The following SAMMSON variants were observed in gnomAD, a reference collection of about 807,000 sequenced individuals.
SAMMSON encodes survival associated mitochondrial melanoma specific oncogenic non-coding RNA.
chr3:70,175,146 T>C (rs980295233), intron 4 of SAMMSON, among the ~76,000 whole-genome samples: 2 of 152,108 alleles, frequency 1.3e-5, no homozygotes, highest in Non-Finnish European at 2.9e-5. Flanking sequence ...TTGGGGACTT[T>C]GGTTCTTTTC....
chr3:70,137,329 T>A (rs2067510118), intron 4 of SAMMSON, among the ~76,000 whole-genome samples: 1 of 152,208 alleles, frequency 6.6e-6, no homozygotes, highest in Admixed American at 6.5e-5. Flanking sequence ...AAACTATGAC[T>A]TATGGGCCAA....
intron 7 of SAMMSON, among the ~76,000 whole-genome samples, chr3:70,341,587 T>A (rs1306583853): frequency 6.6e-6 from 1 of 151,912 alleles, no homozygotes; most frequent in Non-Finnish European, 1.5e-5. Flanking sequence ...TGATAGGGAG[T>A]ATTTTCCTTC....
chr3:70,076,504 A>G (rs959184393), intron 4 of SAMMSON, among the ~76,000 whole-genome samples: 1 of 152,132 alleles, frequency 6.6e-6, no homozygotes, highest in Non-Finnish European at 1.5e-5. Context: ...CTTTGAAGTG[A>G]CAGTCTGTAA....
intron 8 of SAMMSON, among the ~76,000 whole-genome samples, chr3:70,356,199 A>G (rs1034737612): frequency 1.3e-5 from 2 of 152,158 alleles, no homozygotes; most frequent in African/African-American, 4.8e-5. Flanking sequence ...TTTTTACAAA[A>G]TCATTGGCTT....
chr3:70,273,540 G>A (rs2106674022), intron 6 of SAMMSON, among the ~76,000 whole-genome samples: 1 of 152,186 alleles, frequency 6.6e-6, no homozygotes, highest in East Asian at 1.9e-4. Flanking sequence ...TTGGGAAAAG[G>A]TCAAGCCTAG....
intron 3 of SAMMSON, among the ~76,000 whole-genome samples, chr3:70,057,384 T>A (rs1036207809): frequency 2.0e-5 from 3 of 152,228 alleles, no homozygotes; most frequent in East Asian, 3.9e-4. Context: ...ATACATTTTT[T>A]AAATTTTGGA....
chr3:70,352,397 A>C (rs1425291465), intron 7 of SAMMSON, among the ~76,000 whole-genome samples: 1 of 152,292 alleles, frequency 6.6e-6, no homozygotes, highest in East Asian at 1.9e-4. Flanking sequence ...CTAGCAACCC[A>C]GAATCCTATA....
chr3:70,379,027 A>AT (rs1188852754), intron 9 of SAMMSON, among the ~76,000 whole-genome samples: 1 of 135,722 alleles, frequency 7.4e-6, no homozygotes, highest in Non-Finnish European at 1.6e-5. Context: ...TTATTTATTT[A>AT]TTTTAAGACG....
chr3:70,227,698 G>A, intron 4 of SAMMSON, among the ~76,000 whole-genome samples: 1 of 152,208 alleles, frequency 6.6e-6, no homozygotes, highest in East Asian at 1.9e-4. Context: ...ATGCCAGATA[G>A]TGTTCTGAGG....
chr3:70,049,532 T>C (rs1440831328), intron 3 of SAMMSON, among the ~76,000 whole-genome samples: 19 of 152,132 alleles, frequency 1.2e-4, no homozygotes, highest in Admixed American at 1.2e-3. Context: ...GTCTTAAGAA[T>C]ATCTCTTTCT....
At chr3:70,226,991 T>A (rs554103551) in intron 4 of SAMMSON, among the ~76,000 whole-genome samples, 1 of 152,256 alleles carries the variant, frequency 6.6e-6, no homozygotes, top group East Asian at 1.9e-4. Context: ...GGCTCTTGAT[T>A]GACAGGGGAT....
chr3:70,088,876 A>T (rs1181880887), intron 4 of SAMMSON, among the ~76,000 whole-genome samples: 1 of 152,180 alleles, frequency 6.6e-6, no homozygotes, highest in Non-Finnish European at 1.5e-5. Context: ...TCAAGATCTC[A>T]GATCAGAGTT....
At chr3:70,419,182 G>C (rs981475705) in intron 2 of SAMMSON, among the ~76,000 whole-genome samples, 24 of 151,816 alleles carry the variant, frequency 1.6e-4, no homozygotes, top group African/African-American at 5.8e-4. Flanking sequence ...TTGCCACCAC[G>C]CATGGCTAAT....
chr3:70,236,123 C>T (rs2106748659), intron 4 of SAMMSON, among the ~76,000 whole-genome samples: 1 of 152,318 alleles, frequency 6.6e-6, no homozygotes, highest in South Asian at 2.1e-4. Context: ...AACTTATTCT[C>T]TAATGACCTG....
chr3:70,429,590 T>C (rs920674197), intron 2 of SAMMSON, among the ~76,000 whole-genome samples: 2 of 152,230 alleles, frequency 1.3e-5, no homozygotes. Flanking sequence ...TGATTCTTCC[T>C]ATCCATGAGC....
At chr3:70,173,704 TTG>T (rs1319527850) in intron 4 of SAMMSON, among the ~76,000 whole-genome samples, 3 of 151,992 alleles carry the variant, frequency 2.0e-5, no homozygotes, top group African/African-American at 7.2e-5. Context: ...AGTACTTTTT[TTG>T]TGTTTTTACA....
intron 6 of SAMMSON, among the ~76,000 whole-genome samples, chr3:70,265,006 A>T (rs1701902915): frequency 6.6e-6 from 1 of 152,182 alleles, no homozygotes; most frequent in South Asian, 2.1e-4. Flanking sequence ...GAGCATGTGC[A>T]GGGGAACTCC....
chr3:70,222,030 T>C (rs969275301), intron 4 of SAMMSON, among the ~76,000 whole-genome samples: 3 of 152,132 alleles, frequency 2.0e-5, no homozygotes, highest in African/African-American at 7.2e-5. Flanking sequence ...GTGCTTTGGC[T>C]CTATCCCACT....
At chr3:70,284,540 A>G (rs1575615256) in intron 6 of SAMMSON, among the ~76,000 whole-genome samples, 1 of 152,220 alleles carries the variant, frequency 6.6e-6, no homozygotes, top group South Asian at 2.1e-4. Context: ...AATGTGGTAC[A>G]TATACACCAC....
Sources: gnomAD v4.1 joint callset for allele counts (sites outside exome capture counted in the v4.1 genomes callset) on GRCh38, gnomAD v4.1.1 for gene constraint, MANE v1.5 for transcripts, NCBI Gene and HGNC (gene_info 2026-07-23, HGNC 2026-07-21) for gene names.